Variants in MTRES1 observed in about 807,000 individuals in gnomAD.
MTRES1 encodes the protein mitochondrial transcription rescue factor 1.
MTRES1 carries 11 observed loss-of-function variants against 17.4 expected under a neutral mutation model. That is an observed-to-expected ratio of 0.63 (90% confidence interval 0.40 to 1.05). MTRES1 has a LOEUF of 1.05. Ranked by LOEUF, MTRES1 falls within the 50% of genes least tolerant of loss-of-function variation. The pLI is 0.00. For synonymous variants in MTRES1, 94 were observed against 99.6 expected (o/e 0.94, Z 0.34); for missense variants, 268 against 276.2 (o/e 0.97, Z 0.21).
chr6:107,049,718 TTC>T (rs1284177659), intron 3 of MTRES1, among the ~76,000 whole-genome samples: 1 of 93,008 alleles, frequency 1.1e-5, no homozygotes, highest in African/African-American at 3.9e-5. Context: ...CAGCCGGCCC[TTC>T]TTTTTTTTTT....
At chr6:107,032,507 T>TA in intron 1 of MTRES1, among the ~76,000 whole-genome samples, 1 of 152,100 alleles carries the variant, frequency 6.6e-6, no homozygotes, top group Middle Eastern at 3.4e-3. Context: ...GGTTAGGAGT[T>TA]CGAGACCAGC....
chr6:107,043,554 ATAAAG>A (rs1249453285), intron 2 of MTRES1, among the ~76,000 whole-genome samples: 1 of 151,608 alleles, frequency 6.6e-6, no homozygotes, highest in African/African-American at 2.4e-5. Context: ...CACAGTTACA[ATAAAG>A]TAAGCTAGAG....
chr6:107,034,635 C>G (rs1416786455), intron 1 of MTRES1, among the ~76,000 whole-genome samples: 2 of 152,144 alleles, frequency 1.3e-5, no homozygotes, highest in Non-Finnish European at 2.9e-5. Flanking sequence ...TCGCAAGGAA[C>G]AAATGAGTTA....
Position 107,050,939 on chromosome 6 carries a change from T to G in MTRES1, c.544-118T>G, listed in dbSNP as rs115316506. The G allele has an allele frequency of 3.8e-5, 31 of 812,572 alleles. No individual in the cohort carries two copies. In the African/African-American group the frequency reaches 5.3e-4, roughly 14 times the overall value. The allele number at this position is 812,572 out of a possible 1,614,324, so 50.3% of individuals were successfully genotyped here. A position where few individuals can be genotyped will look rare whatever the true frequency, so the allele number is the denominator to read the frequency against. On this transcript the variant is annotated intron_variant, in intron 3 of 3. Coordinates refer to ENST00000311381, the MANE Select transcript of MTRES1 (RefSeq NM_016487.5). ...TGACAGTGACTAAGGTCAGGGCCTT[T>G]ACTCACCTGCCCCTCCTCTGGGTCA...
chr6:107,050,951 C>T (rs915925936), intron 3 of MTRES1, 106 bp from the exon 4 acceptor site: 23 of 901,018 alleles, frequency 2.6e-5, no homozygotes, highest in Non-Finnish European at 3.5e-5. Flanking sequence ...CTCACCTGCC[C>T]CTCCTCTGGG....
intron 1 of MTRES1, among the ~76,000 whole-genome samples, chr6:107,031,529 G>A (rs1363582453): frequency 3.5e-5 from 5 of 143,536 alleles, no homozygotes; most frequent in African/African-American, 1.3e-4. Context: ...TGCAGCCTCC[G>A]CCTCCCAGGT....
intron 1 of MTRES1, among the ~76,000 whole-genome samples, chr6:107,029,709 C>A (rs1257691897): frequency 6.7e-6 from 1 of 149,662 alleles, no homozygotes; most frequent in African/African-American, 2.5e-5. Context: ...GTCTTGAACT[C>A]CTGGCCTCAA....
intron 3 of MTRES1, among the ~76,000 whole-genome samples, chr6:107,047,271 G>A (rs1258105849): frequency 2.0e-5 from 3 of 151,830 alleles, no homozygotes; most frequent in Non-Finnish European, 2.9e-5. Flanking sequence ...TACCCAGGCT[G>A]GAGTGCGGTG....
intron 1 of MTRES1, among the ~76,000 whole-genome samples, chr6:107,037,917 T>C (rs1329705689): frequency 4.0e-5 from 6 of 151,238 alleles, no homozygotes; most frequent in Non-Finnish European, 7.4e-5. Context: ...TGGGGTTTCA[T>C]CATGTTGGCC....
chr6:107,049,832 C>T (rs1427004221), intron 3 of MTRES1, among the ~76,000 whole-genome samples: 3 of 151,704 alleles, frequency 2.0e-5, no homozygotes, highest in African/African-American at 7.2e-5. Context: ...AGTGATTCTC[C>T]TGCCTCAGCC....
rs201364966 is a variant in MTRES1 at position 107,040,262 on chromosome 6, G to A, written c.470+32G>A. On this transcript the variant is annotated intron_variant, in intron 2 of 3. Coordinates refer to ENST00000311381, the MANE Select transcript of MTRES1 (RefSeq NM_016487.5). ...ATGATACGCATTTCATTATAAACTC[G>A]CTCGTAGTCATGTTATTTTAATATA... 3.4e-5 allele frequency: 52 copies of A among 1,540,986 alleles called. No individual in the cohort carries two copies. The Middle Eastern group carries it at 5.2e-4, about 15-fold the overall frequency.
chr6:107,039,096 A>G (rs1176354392), intron 1 of MTRES1, among the ~76,000 whole-genome samples: 2 of 152,106 alleles, frequency 1.3e-5, no homozygotes, highest in East Asian at 3.9e-4. Flanking sequence ...ATAATTGAGA[A>G]CTATTGTTAG....
intron 3 of MTRES1, among the ~76,000 whole-genome samples, chr6:107,045,159 T>C (rs1774348682): frequency 6.8e-6 from 1 of 147,574 alleles, no homozygotes. Context: ...CACTCCAGTT[T>C]GGGTGACAGA....
At chr6:107,036,004 T>G (rs968382548) in intron 1 of MTRES1, among the ~76,000 whole-genome samples, 2 of 152,156 alleles carry the variant, frequency 1.3e-5, no homozygotes, top group Non-Finnish European at 2.9e-5. Context: ...TATATACATA[T>G]AATCAGAAAT....
chr6:107,045,499 A>T (rs927593495), intron 3 of MTRES1, among the ~76,000 whole-genome samples: 1 of 145,586 alleles, frequency 6.9e-6, no homozygotes, highest in African/African-American at 2.5e-5. Context: ...AAAAAAAAAA[A>T]TTCTGTTAGA....
chr6:107,043,193 G>T (rs1554227982), intron 2 of MTRES1, among the ~76,000 whole-genome samples: 3 of 152,088 alleles, frequency 2.0e-5, no homozygotes. Flanking sequence ...AATTACCCAG[G>T]CGTGGTGGCG....
chr6:107,035,215 C>T (rs1184465623), intron 1 of MTRES1, among the ~76,000 whole-genome samples: 3 of 151,580 alleles, frequency 2.0e-5, no homozygotes, highest in African/African-American at 7.3e-5. Context: ...CTCACCGCAA[C>T]CTCCGCCTCC....
rs1275592480 is a variant in MTRES1 at position 107,038,512 on chromosome 6, CCCTT to C, written c.-12-1232_-12-1229del. ...TTCCCTAGTTTGTGGATCTCTAGAC[CCCTT>C]CCTTGTCTGCTAGTTAATGCCTCTG... On this transcript the variant is annotated intron_variant, in intron 1 of 3. Transcript: ENST00000311381. 3.3e-5 allele frequency among the ~76,000 whole-genome samples: 5 copies of C among 152,186 alleles called. No individual in the cohort carries two copies. In the South Asian group the frequency reaches 8.3e-4, roughly 25 times the overall value.
At chr6:107,049,668 C>G (rs1355845725) in intron 3 of MTRES1, among the ~76,000 whole-genome samples, 1 of 150,694 alleles carries the variant, frequency 6.6e-6, no homozygotes, top group Non-Finnish European at 1.5e-5. Context: ...CCACCTCAGC[C>G]TCCCAAAGTA....
Sources: allele counts gnomAD v4.1 joint callset (sites outside exome capture counted in the v4.1 genomes callset), GRCh38; gene constraint gnomAD v4.1.1; transcripts MANE v1.5; gene names NCBI Gene and HGNC (gene_info 2026-07-23, HGNC 2026-07-21).